The following CLVS1 variants were observed in gnomAD, a reference collection of about 807,000 sequenced individuals.
CLVS1 encodes clavesin-1.
Under a neutral mutation model 33.1 loss-of-function variants are expected in CLVS1, and 10 were observed. The observed-to-expected ratio is 0.30, with a 90% confidence interval of 0.19 to 0.51. The LOEUF (loss-of-function observed/expected upper bound fraction) is 0.51. CLVS1 is among the 20% of genes least tolerant of loss of function. The pLI is 0.97. For missense variants in CLVS1, 343 were observed against 433.4 expected (o/e 0.79, Z 1.85); for synonymous variants, 163 against 166.1 (o/e 0.98, Z 0.14).
chr8:61,484,782 T>C (rs1252199364), intron 5 of CLVS1, among the ~76,000 whole-genome samples: 1 of 152,120 alleles, frequency 6.6e-6, no homozygotes, highest in Non-Finnish European at 1.5e-5. Context: ...CCCTTGGAAA[T>C]AATACCACAC....
intron 2 of CLVS1, among the ~76,000 whole-genome samples, chr8:61,263,487 CCTGT>C (rs1809247494): frequency 6.6e-6 from 1 of 152,180 alleles, no homozygotes. Context: ...CTGCTCAGTT[CCTGT>C]CTAACTCCTT....
At chr8:61,407,815 G>A (rs1369995132) in intron 3 of CLVS1, among the ~76,000 whole-genome samples, 1 of 152,190 alleles carries the variant, frequency 6.6e-6, no homozygotes, top group Admixed American at 6.5e-5. Context: ...AGAAAAGGGT[G>A]ATCAACAAGA....
chr8:61,116,459 G>T (rs1414742679), intron 1 of CLVS1, among the ~76,000 whole-genome samples: 1 of 152,170 alleles, frequency 6.6e-6, no homozygotes, highest in Non-Finnish European at 1.5e-5. Flanking sequence ...CCTATGTTCT[G>T]AAAGGTAATG....
chr8:61,243,585 T>C (rs1808742060), intron 2 of CLVS1, among the ~76,000 whole-genome samples: 1 of 152,238 alleles, frequency 6.6e-6, no homozygotes. Flanking sequence ...TTAGTTTTTC[T>C]GATTTATCTA....
chr8:61,238,830 C>T (rs1808628433), intron 2 of CLVS1, among the ~76,000 whole-genome samples: 1 of 152,222 alleles, frequency 6.6e-6, no homozygotes, highest in African/African-American at 2.4e-5. Context: ...TAATTTTTCA[C>T]TCTAATGGAT....
intron 2 of CLVS1, among the ~76,000 whole-genome samples, chr8:61,365,006 T>G (rs1207984582): frequency 6.6e-6 from 1 of 152,204 alleles, no homozygotes; most frequent in East Asian, 1.9e-4. Flanking sequence ...TACCTCTTGA[T>G]TGCAAGAGTG....
chr8:61,359,184 C>T (rs1193487402), intron 2 of CLVS1, among the ~76,000 whole-genome samples: 1 of 152,176 alleles, frequency 6.6e-6, no homozygotes, highest in African/African-American at 2.4e-5. Context: ...TTACCAACCA[C>T]ACTAGCTCAA....
chr8:61,362,293 G>C (rs114536714), intron 2 of CLVS1, among the ~76,000 whole-genome samples: 2 of 152,296 alleles, frequency 1.3e-5, no homozygotes, highest in African/African-American at 4.8e-5. Context: ...GAATGTTCTA[G>C]GTAGGGAAGA....
intron 2 of CLVS1, 89 bp from the exon 3 acceptor site, chr8:61,376,516 A>C: frequency 2.4e-6 from 3 of 1,245,462 alleles, no homozygotes; most frequent in Non-Finnish European, 3.4e-6. Context: ...TTCATGGAGC[A>C]GTGGCATGCG....
chr8:61,380,648 G>A (rs569642692), intron 3 of CLVS1, among the ~76,000 whole-genome samples: 20 of 152,198 alleles, frequency 1.3e-4, no homozygotes, highest in South Asian at 4.1e-4. Context: ...TAAAAGAGCC[G>A]TTGTATCTGT....
intron 5 of CLVS1, among the ~76,000 whole-genome samples, chr8:61,479,260 C>T (rs1264505877): frequency 6.6e-6 from 1 of 152,200 alleles, no homozygotes; most frequent in Admixed American, 6.5e-5. Context: ...TCCCATACTT[C>T]TTGGAGGCTT....
intron 2 of CLVS1, among the ~76,000 whole-genome samples, chr8:61,172,259 G>C (rs1175587124): frequency 6.6e-6 from 1 of 152,126 alleles, no homozygotes; most frequent in African/African-American, 2.4e-5. Context: ...GTTGGAGGGA[G>C]GATATTGTTA....
the CLVS1 span, among the ~76,000 whole-genome samples, chr8:61,027,617 G>A: frequency 6.6e-6 from 1 of 152,042 alleles, no homozygotes; most frequent in Non-Finnish European, 1.5e-5. Flanking sequence ...AGAAGTGTCA[G>A]CACTACAATG....
rs374413406 is a variant in CLVS1 at position 61,360,363 on chromosome 8, A to G, written c.456-16242A>G. Among the ~76,000 whole-genome samples, 14 of 152,298 alleles carry G rather than the reference A, an allele frequency of 9.2e-5. No individual in the cohort carries two copies. The East Asian group carries it at 2.1e-3, about 23-fold the overall frequency. The stretch of plus-strand genomic sequence containing the variant: ...TTTCCAACCCAGAAATCCTCTGACT[A>G]TGGAAAGCATCCCATAGTCAGTGAT... On this transcript the variant is annotated intron_variant, in intron 2 of 5. Transcript: ENST00000325897.
At chr8:61,491,700 C>T (rs1804094039) in intron 5 of CLVS1, among the ~76,000 whole-genome samples, 1 of 151,956 alleles carries the variant, frequency 6.6e-6, no homozygotes, top group African/African-American at 2.4e-5. Flanking sequence ...GTGGAGTTAG[C>T]CTGATCAAAA....
rs367868625 is a variant in CLVS1 at position 61,357,267 on chromosome 8, G to A, written c.456-19338G>A. ...TTTAAGACATTCTACAGGGCACATG[G>A]CATGGAAATCATTTTTTTAAAGTCA... On this transcript the variant is annotated intron_variant, in intron 2 of 5. Coordinates refer to ENST00000325897, the MANE Select transcript of CLVS1 (RefSeq NM_173519.3). Among the ~76,000 whole-genome samples the A allele has an allele frequency of 1.2e-4, 19 of 152,108 alleles. No homozygotes were observed. In the South Asian group the frequency reaches 3.7e-3, roughly 30 times the overall value.
At chr8:60,976,690 G>A in the CLVS1 span, among the ~76,000 whole-genome samples, 1 of 152,246 alleles carries the variant, frequency 6.6e-6, no homozygotes, top group East Asian at 1.9e-4. Flanking sequence ...TCAGGTGAGA[G>A]CTTGATAAAG....
rs1804506527 is a variant in CLVS1 at position 61,499,878 on chromosome 8, T to C, written c.*336T>C. 5.3e-6 allele frequency: 1 copy of C among 188,956 alleles called. No homozygotes were observed. Among genetic ancestry groups the C allele is most frequent in the African/African-American group, 2.3e-5 (1 of 43,542 alleles). The allele number at this position is 188,956 out of a possible 1,614,324, so 11.7% of individuals were successfully genotyped here. A position where few individuals can be genotyped will look rare whatever the true frequency, so the allele number is the denominator to read the frequency against. Reference sequence around the variant, plus strand: ...GACACACTGCATTAGGACAAGAATTTTTCTGAGGTATCACACAGGGACCCT... The same window carrying C: ...GACACACTGCATTAGGACAAGAATTCTTCTGAGGTATCACACAGGGACCCT... On this transcript the variant is annotated 3_prime_UTR_variant, in exon 6 of 6. Transcript: ENST00000325897.
chr8:61,142,630 C>A (rs753538443), intron 2 of CLVS1, among the ~76,000 whole-genome samples: 31 of 152,190 alleles, frequency 2.0e-4, no homozygotes, highest in Admixed American at 6.5e-4. Flanking sequence ...TTTTTTGTAG[C>A]CTTTCTGCCT....
Sources: gnomAD v4.1 joint callset for allele counts (sites outside exome capture counted in the v4.1 genomes callset) on GRCh38, gnomAD v4.1.1 for gene constraint, MANE v1.5 for transcripts, NCBI Gene and HGNC (gene_info 2026-07-23, HGNC 2026-07-21) for gene names.